The following TTC7A variants were observed in gnomAD, a reference collection of about 807,000 sequenced individuals.
TTC7A encodes the protein tetratricopeptide repeat domain 7A, also known as tetratricopeptide repeat protein 7A.
Under a neutral mutation model 103.7 loss-of-function variants are expected in TTC7A, and 110 were observed. The observed-to-expected ratio is 1.06, with a 90% confidence interval of 0.91 to 1.24. TTC7A has a LOEUF of 1.24. Among genes scored for constraint, TTC7A ranks in the 50% most tolerant of loss-of-function variants. The pLI, the probability that TTC7A is intolerant of heterozygous loss-of-function variation, is 0.00. For missense variants in TTC7A, 1,340 were observed against 1,116.3 expected, an observed-to-expected ratio of 1.20 and a Z score of -2.86; for synonymous variants, 521 against 467.9, an observed-to-expected ratio of 1.11 and a Z score of -1.47.
At chr2:46,953,816 T>C (rs895449670) in intron 2 of TTC7A, among the ~76,000 whole-genome samples, 2 of 151,636 alleles carry the variant, frequency 1.3e-5, no homozygotes, top group Non-Finnish European at 2.9e-5. Context: ...TCTTTCTTTC[T>C]TTCTTTTTTT....
At chr2:46,956,766 C>T in intron 2 of TTC7A, 73 bp from the exon 3 acceptor site, 1 of 1,562,034 alleles carries the variant, frequency 6.4e-7, no homozygotes, top group South Asian at 1.1e-5. Flanking sequence ...CAAACAAGGT[C>T]CAGGTTCAGT....
intron 15 of TTC7A, among the ~76,000 whole-genome samples, chr2:47,041,829 T>C (rs565960239): frequency 3.9e-4 from 59 of 151,466 alleles, no homozygotes; most frequent in African/African-American, 1.4e-3. Flanking sequence ...ATTATATACA[T>C]AGTAGGGGAA....
rs568247456 is a variant in TTC7A, at chr2:46,951,670, C to T, written c.348+1144C>T. On this transcript the variant is annotated intron_variant, in intron 2 of 19. Transcript: ENST00000319190. The stretch of plus-strand genomic sequence containing the variant: ...AAGCGATCCTCCTACTTCAGCCTCC[C>T]GAAGCGTTGGGATTACAGGAGTGAG... 1.1e-5 allele frequency: 5 copies of T among 456,292 alleles called. No homozygotes were observed. In the East Asian group the frequency reaches 2.1e-4, roughly 19 times the overall value. 28.3% of individuals were successfully genotyped at this position (456,292 alleles called of 1,614,324 possible).
chr2:47,064,927 G>A (rs1684065611), intron 19 of TTC7A, among the ~76,000 whole-genome samples: 1 of 152,188 alleles, frequency 6.6e-6, no homozygotes, highest in African/African-American at 2.4e-5. Context: ...AAAACAAACA[G>A]AACTTTATTA....
intron 15 of TTC7A, among the ~76,000 whole-genome samples, chr2:47,040,960 G>A (rs1015208458): frequency 9.9e-5 from 15 of 152,216 alleles, no homozygotes; most frequent in Admixed American, 8.5e-4. Flanking sequence ...AATGGCTCTT[G>A]TCGGAGGGCA....
At chr2:46,927,379 T>C (rs1182663975) in intron 2 of TTC7A, among the ~76,000 whole-genome samples, 1 of 146,278 alleles carries the variant, frequency 6.8e-6, no homozygotes, top group African/African-American at 2.6e-5. Flanking sequence ...TTTTTTGAGA[T>C]GGAGTCTCGT....
intron 2 of TTC7A, among the ~76,000 whole-genome samples, chr2:46,933,742 G>A (rs372805212): frequency 2.0e-5 from 3 of 152,244 alleles, no homozygotes; most frequent in African/African-American, 7.2e-5. Context: ...ATATACTGAT[G>A]ATCTGAGTGG....
intron 11 of TTC7A, among the ~76,000 whole-genome samples, chr2:47,017,214 A>T (rs2104520244): frequency 6.9e-6 from 1 of 145,060 alleles, no homozygotes; most frequent in Admixed American, 6.9e-5. Context: ...AAAAAAAAAA[A>T]AAAAAAAAAA....
intron 8 of TTC7A, chr2:46,999,545 C>A (rs1202389708): frequency 1.0e-6 from 1 of 985,448 alleles, no homozygotes; most frequent in African/African-American, 1.7e-5. Context: ...ACAGTTCAAT[C>A]ATAGTTCCTG....
intron 18 of TTC7A, among the ~76,000 whole-genome samples, chr2:47,056,258 G>T (rs774465107): frequency 6.6e-6 from 1 of 152,240 alleles, no homozygotes; most frequent in Admixed American, 6.5e-5. Context: ...TGCTCTGAGT[G>T]TCTGATGCTT....
intron 2 of TTC7A, among the ~76,000 whole-genome samples, chr2:46,956,180 A>G (rs1671837880): frequency 6.6e-6 from 1 of 152,206 alleles, no homozygotes; most frequent in African/African-American, 2.4e-5. Context: ...GATGTAAGCA[A>G]CTTTTGAAAA....
In TTC7A at chr2:46,941,252, C is replaced by T; in HGVS notation, c.-290C>T. ...GCAGCAGCTGCAGCGGCGGCGGCGG[C>T]GGCAGCGCCAGGAGCTGCTACAGCA... On this transcript the variant is annotated 5_prime_UTR_variant, in exon 1 of 20. Transcript: ENST00000319190. This position sits in a 1 kb window ranked among gnomAD's most constrained non-coding sequence, Gnocchi z 4.2. 6.6e-6 allele frequency: 1 copy of T among 152,174 alleles called. No homozygotes were observed. Among genetic ancestry groups the T allele is most frequent in the Non-Finnish European group, 1.4e-5 (1 of 70,160 alleles). 9.4% of individuals were successfully genotyped at this position (152,174 alleles called of 1,614,324 possible). A position where few individuals can be genotyped will look rare whatever the true frequency, so the allele number is the denominator to read the frequency against.
chr2:47,030,024 G>A (rs1448372212), intron 15 of TTC7A, among the ~76,000 whole-genome samples: 1 of 119,690 alleles, frequency 8.4e-6, no homozygotes. Context: ...TCTGTCAGGG[G>A]AGTTAGGGGG....
intron 15 of TTC7A, among the ~76,000 whole-genome samples, chr2:47,044,147 G>A (rs975657751): frequency 6.6e-5 from 10 of 152,058 alleles, no homozygotes; most frequent in Non-Finnish European, 1.2e-4. Flanking sequence ...CCTCCACACC[G>A]GAGCCTCTTC....
chr2:47,012,030 G>C (rs1005049210), intron 11 of TTC7A, among the ~76,000 whole-genome samples: 1 of 152,210 alleles, frequency 6.6e-6, no homozygotes, highest in Non-Finnish European at 1.5e-5. Flanking sequence ...CCCCAGTTGG[G>C]GGTTGCAGGC....
In TTC7A at chr2:46,941,583, G is replaced by A; in HGVS notation, c.42G>A (p.Glu14=). The part of the protein sequence containing the change: ...KGAHGSYLKV[E]SELERCRAEG... ...CGCACGGCTCCTACCTGAAGGTGGA[G>A]AGCGAGCTGGAGCGCTGCCGCGCCG... The change falls in exon 1 of 20, where the codon GAG becomes GAA. Residue 14 remains glutamate (E), a synonymous_variant. Coordinates refer to ENST00000319190, the MANE Select transcript of TTC7A (RefSeq NM_020458.4). The surrounding 1 kb of genome is among the most constrained non-coding windows in gnomAD (Gnocchi z 4.2). The A allele has an allele frequency of 1.3e-6, 2 of 1,556,962 alleles. No homozygotes were observed. Among genetic ancestry groups the A allele is most frequent in the Non-Finnish European group, 1.7e-6 (2 of 1,150,950 alleles).
chr2:46,997,190 G>C (rs1676293993), intron 8 of TTC7A, among the ~76,000 whole-genome samples: 1 of 152,014 alleles, frequency 6.6e-6, no homozygotes, highest in Non-Finnish European at 1.5e-5. Flanking sequence ...TGTTGACCAG[G>C]CCAGTCATGA....
At chr2:46,945,434 G>A (rs750142118) in intron 1 of TTC7A, among the ~76,000 whole-genome samples, 5 of 152,206 alleles carry the variant, frequency 3.3e-5, no homozygotes, top group Non-Finnish European at 5.9e-5. Flanking sequence ...TGTATTTTTA[G>A]AGACGAGGTT....
At position 47,018,274 on chromosome 2, in the gene TTC7A, C is replaced by T. The variant is rs542337342; in HGVS notation, c.1393-3588C>T. On this transcript the variant is annotated intron_variant, in intron 11 of 19. Transcript: ENST00000319190. Reference sequence around the variant, plus strand: ...CCTAGTGGGTGACAGAGTGAGAGTCCGTCTCAGAAAAAAAAAAAAAAAAGC... The same window carrying T: ...CCTAGTGGGTGACAGAGTGAGAGTCTGTCTCAGAAAAAAAAAAAAAAAAGC... 4.9e-5 allele frequency among the ~76,000 whole-genome samples: 6 copies of T among 121,988 alleles called. No individual in the cohort carries two copies. In the East Asian group the frequency reaches 8.2e-4, roughly 17 times the overall value. The allele number at this position is 121,988 out of a possible 152,430, so 80.0% of individuals were successfully genotyped here.
Sources: gnomAD v4.1 joint callset for allele counts (sites outside exome capture counted in the v4.1 genomes callset) on GRCh38, gnomAD v4.1.1 for gene constraint, Gnocchi (gnomAD v3.1) non-coding constraint, MANE v1.5 for transcripts, NCBI Gene and HGNC (gene_info 2026-07-23, HGNC 2026-07-21) for gene names.